USP3: variants seen among roughly 807,000 people sequenced by gnomAD.
The protein encoded by USP3 is ubiquitin carboxyl-terminal hydrolase 3.
Under a neutral mutation model 72.3 loss-of-function variants are expected in USP3, and 20 were observed. The ratio of observed to expected loss-of-function variants is 0.28; its 90% CI spans 0.19 to 0.40. The LOEUF is 0.40. Ranked by LOEUF, USP3 falls within the 10% of genes least tolerant of loss-of-function variation. The pLI is 1.00. For missense variants in USP3, 479 were observed against 633.9 expected (o/e 0.76, Z 2.62); for synonymous variants, 222 against 225.3 (o/e 0.99, Z 0.13).
chr15:63,534,680 G>T (rs1050798160), intron 2 of USP3, among the ~76,000 whole-genome samples: 1 of 151,994 alleles, frequency 6.6e-6, no homozygotes, highest in Non-Finnish European at 1.5e-5. Flanking sequence ...ATATGCACCG[G>T]AACTATTTAA....
chr15:63,559,555 A>G (rs749873920), intron 6 of USP3, among the ~76,000 whole-genome samples: 2 of 152,260 alleles, frequency 1.3e-5, no homozygotes, highest in Non-Finnish European at 2.9e-5. Context: ...GCAACCGAAA[A>G]GAAAGAAATG....
At chr15:63,572,962 G>A (rs1287881231) in intron 9 of USP3, among the ~76,000 whole-genome samples, 1 of 152,140 alleles carries the variant, frequency 6.6e-6, no homozygotes, top group Non-Finnish European at 1.5e-5. Context: ...GTGTTGTGAA[G>A]ATTAATTGAT....
chr15:63,521,081 G>T (rs2065914158), intron 1 of USP3, among the ~76,000 whole-genome samples: 1 of 150,432 alleles, frequency 6.6e-6, no homozygotes, highest in Admixed American at 6.6e-5. Flanking sequence ...GTAAAGAAAA[G>T]CAGGTGGGTA....
intron 3 of USP3, among the ~76,000 whole-genome samples, chr15:63,545,947 G>A: frequency 8.0e-6 from 1 of 124,966 alleles, no homozygotes; most frequent in Admixed American, 9.3e-5. Flanking sequence ...CTCCAGCCTG[G>A]GTGACAGAGC....
chr15:63,520,554 A>AT lies in USP3; in HGVS notation c.92-12066dup, dbSNP rs35244583. On this transcript the variant is annotated intron_variant, in intron 1 of 14. Coordinates refer to ENST00000380324, the MANE Select transcript of USP3 (RefSeq NM_006537.4). The stretch of plus-strand genomic sequence containing the variant: ...TTTGTTTGTTTGATTTCTGTTTTAG[A>AT]TTTTTTTTTTTTTTTTTTTTTTTTT... Among the ~76,000 whole-genome samples, 930 of 105,278 alleles carry AT rather than the reference A, an allele frequency of 8.8e-3. 45 individuals carry two copies. The highest frequency in any genetic ancestry group is 0.024 in the African/African-American group (647 of 26,502). 69.1% of individuals were successfully genotyped at this position (105,278 alleles called of 152,430 possible).
chr15:63,556,318 A>G (rs2066507525), intron 4 of USP3: 1 of 187,170 alleles, frequency 5.3e-6, no homozygotes, highest in Admixed American at 6.0e-5. Flanking sequence ...GTAGTATCAG[A>G]CCAGGGTTTT....
In USP3 at chr15:63,556,654, T is replaced by A; in HGVS notation, c.369-13T>A. On this transcript the variant is annotated splice_polypyrimidine_tract_variant and intron_variant, in intron 4 of 14. Transcript: ENST00000380324. ...ATTAATAACTTTTTCACTATCTGTT[T>A]GTGTTTTAATAGCTCAGCTTTCACA... 1 of 1,592,984 alleles carries A rather than the reference T, an allele frequency of 6.3e-7. No individual in the cohort carries two copies. The highest frequency in any genetic ancestry group is 2.2e-5 in the East Asian group (1 of 44,698).
chr15:63,523,219 G>A (rs1428081406), intron 1 of USP3, among the ~76,000 whole-genome samples: 1 of 152,148 alleles, frequency 6.6e-6, no homozygotes, highest in African/African-American at 2.4e-5. Flanking sequence ...CATTCACTGA[G>A]TGCTTTCCGT....
rs1009401013 is a variant in USP3 at position 63,594,303 on chromosome 15, A to T, written c.*3477A>T. 22 of 152,216 alleles carry T rather than the reference A, an allele frequency of 1.4e-4. No individual in the cohort carries two copies. Among genetic ancestry groups the T allele is most frequent in the African/African-American group, 5.1e-4 (21 of 41,430 alleles). The allele number at this position is 152,216 out of a possible 1,614,324, so 9.4% of individuals were successfully genotyped here. On this transcript the variant is annotated 3_prime_UTR_variant, in exon 15 of 15. Transcript: ENST00000380324. The stretch of plus-strand genomic sequence containing the variant: ...ATGGAAAAAGTCTGTTCCTGCAGCC[A>T]AGGCCTGGGTCCCAGGTGACTAGGA...
rs1285087598 is a variant in USP3 at position 63,559,978 on chromosome 15, A to T, written c.647+8A>T. On this transcript the variant is annotated splice_region_variant and intron_variant, in intron 7 of 14. Coordinates refer to ENST00000380324, the MANE Select transcript of USP3 (RefSeq NM_006537.4). ...CCAAGGGGATAACAATGTGTGAGTT[A>T]TAAGAGTATGTCCTTTCTGGCTTTG... The T allele has an allele frequency of 1.9e-6, 3 of 1,610,536 alleles. No homozygotes were observed. Among genetic ancestry groups the T allele is most frequent in the East Asian group, 4.5e-5 (2 of 44,812 alleles).
intron 6 of USP3, among the ~76,000 whole-genome samples, chr15:63,559,018 G>C (rs1480037222): frequency 1.3e-5 from 2 of 152,194 alleles, no homozygotes; most frequent in Non-Finnish European, 1.5e-5. Context: ...GCCTTGTTCA[G>C]AGAGCTTATT....
At chr15:63,583,883 G>T (rs896852124) in intron 11 of USP3, among the ~76,000 whole-genome samples, 1 of 152,050 alleles carries the variant, frequency 6.6e-6, no homozygotes, top group Non-Finnish European at 1.5e-5. Context: ...GACGACACTT[G>T]GGTTTTTCCC....
At chr15:63,573,876 T>C (rs2066819464) in intron 9 of USP3, among the ~76,000 whole-genome samples, 170 bp from the exon 10 acceptor site, 1 of 152,208 alleles carries the variant, frequency 6.6e-6, no homozygotes, top group Non-Finnish European at 1.5e-5. Context: ...TTAGTATGTG[T>C]CTGTATGGTT....
intron 1 of USP3, among the ~76,000 whole-genome samples, chr15:63,523,377 AT>A (rs1202435848): frequency 6.6e-6 from 1 of 152,224 alleles, no homozygotes; most frequent in Non-Finnish European, 1.5e-5. Flanking sequence ...ATAGAATAAA[AT>A]AGTAGAGCTA....
At chr15:63,559,651 T>C (rs2066571951) in intron 6 of USP3, among the ~76,000 whole-genome samples, 1 of 152,200 alleles carries the variant, frequency 6.6e-6, no homozygotes, top group Admixed American at 6.5e-5. Context: ...TTTTTGTTTT[T>C]TTACAAAGTC....
In USP3 at chr15:63,559,866, G is replaced by A. The variant is rs34939402; in HGVS notation, c.543G>A (p.Glu181=). The A allele has an allele frequency of 1.4e-4, 223 of 1,612,266 alleles. No individual in the cohort carries two copies. The Middle Eastern group carries it at 2.5e-3, about 18-fold the overall frequency. ...CTTCCTTTTAAAATAGTAACATTGA[G>A]CAGTTTTGCTGTTATTTCAAAGAAC... ...NAILQSLSNI[E]QFCCYFKELP... Residue 181 remains glutamate, a synonymous_variant, in exon 7 of 15, where the codon GAG becomes GAA. Coordinates refer to ENST00000380324, the MANE Select transcript of USP3 (RefSeq NM_006537.4).
Position 63,593,635 on chromosome 15 carries a change from G to A in USP3, c.*2809G>A. ...TTACTTGAACAGAAACGTTTGAATGGTGTGAAGATTCTTTAGAAAAGTGAT... is the reference window on the plus strand; with the variant it reads ...TTACTTGAACAGAAACGTTTGAATGATGTGAAGATTCTTTAGAAAAGTGAT... On this transcript the variant is annotated 3_prime_UTR_variant, in exon 15 of 15. Coordinates refer to ENST00000380324, the MANE Select transcript of USP3 (RefSeq NM_006537.4). 6.6e-6 allele frequency: 1 copy of A among 152,222 alleles called. No individual in the cohort carries two copies. Among genetic ancestry groups the A allele is most frequent in the East Asian group, 1.9e-4 (1 of 5,198 alleles). 9.4% of individuals were successfully genotyped at this position (152,222 alleles called of 1,614,324 possible).
At chr15:63,537,945 A>G (rs1036664332) in intron 3 of USP3, among the ~76,000 whole-genome samples, 5 of 151,420 alleles carry the variant, frequency 3.3e-5, no homozygotes, top group Admixed American at 6.6e-5. Context: ...TCGGCCTCCT[A>G]AAGTGCTGGG....
intron 3 of USP3, among the ~76,000 whole-genome samples, chr15:63,537,652 G>T (rs913968560): frequency 6.6e-6 from 1 of 152,200 alleles, no homozygotes; most frequent in South Asian, 2.1e-4. Context: ...CCCCAAAGGT[G>T]AATGTCAAGA....
Sources: allele counts gnomAD v4.1 joint callset (sites outside exome capture counted in the v4.1 genomes callset), GRCh38; gene constraint gnomAD v4.1.1; transcripts MANE v1.5; gene names NCBI Gene and HGNC (gene_info 2026-07-23, HGNC 2026-07-21).